The following WNT2 variants were observed in gnomAD, a reference collection of about 807,000 sequenced individuals.
WNT2 encodes the protein protein Wnt-2.
A neutral mutation model predicts 36.9 loss-of-function variants in WNT2; 12 were observed. The observed-to-expected ratio is 0.33, with a 90% confidence interval of 0.21 to 0.53. The LOEUF (loss-of-function observed/expected upper bound fraction) is 0.53. WNT2 is among the 20% of genes least tolerant of loss of function. The probability of loss-of-function intolerance (pLI) is 0.95; values close to 1 mark genes in which losing one functional copy is unlikely to be tolerated. For synonymous variants in WNT2, 163 were observed against 174.6 expected, an observed-to-expected ratio of 0.93 and a Z score of 0.52; for missense variants, 379 against 473.1, an observed-to-expected ratio of 0.80 and a Z score of 1.84.
At chr7:117,304,674 G>A (rs1156467364) in intron 3 of WNT2, among the ~76,000 whole-genome samples, 1 of 152,108 alleles carries the variant, frequency 6.6e-6, no homozygotes, top group East Asian at 1.9e-4. Flanking sequence ...GACCTCAGAT[G>A]ATCCACCCGC....
rs114876946 is a variant in WNT2, at chr7:117,275,852, A to G, written c.*2303T>C. On this transcript the variant is annotated 3_prime_UTR_variant, in exon 5 of 5. Coordinates refer to ENST00000265441, the MANE Select transcript of WNT2 (RefSeq NM_003391.3). ...TGCGATGGTTGCCATAATCTCCCTT[A>G]TGGATTAGGACAATTTATGTAGGTT... Among the ~76,000 whole-genome samples, 351 of 152,250 alleles carry G rather than the reference A, an allele frequency of 2.3e-3. 1 individual carries two copies. Among genetic ancestry groups the G allele is most frequent in the African/African-American group, 7.8e-3 (324 of 41,554 alleles).
intron 3 of WNT2, among the ~76,000 whole-genome samples, chr7:117,303,102 C>G (rs1794938734): frequency 6.6e-6 from 1 of 152,126 alleles, no homozygotes; most frequent in African/African-American, 2.4e-5. Flanking sequence ...CTAGGGTGGA[C>G]GTGAGGCCTG....
At position 117,292,132 on chromosome 7, in the gene WNT2, G is replaced by C. The variant is rs541086848; in HGVS notation, c.853+5480C>G. Among the ~76,000 whole-genome samples the C allele has an allele frequency of 3.9e-5, 6 of 152,164 alleles. No homozygotes were observed. The East Asian group carries it at 1.2e-3, about 29-fold the overall frequency. On this transcript the variant is annotated intron_variant, in intron 4 of 4. Coordinates refer to ENST00000265441, the MANE Select transcript of WNT2 (RefSeq NM_003391.3). ...CATTGACGCTTTTGAAAATCTGAGG[G>C]GCTTGTAATTGAAAAGGGCTTCAAG...
chr7:117,309,459 A>G (rs1472726284), intron 3 of WNT2, among the ~76,000 whole-genome samples: 1 of 152,174 alleles, frequency 6.6e-6, no homozygotes, highest in Non-Finnish European at 1.5e-5. Context: ...TCCATAGAAA[A>G]TACAGGATGC....
rs17139606 is a variant in WNT2, at chr7:117,288,112, T to C, written c.853+9500A>G. ...CAGCAGACCAGCTAAACCTTGGCTCTGTTAAAATGATCTTGCTTGGTATAT... is the reference window on the plus strand; with the variant it reads ...CAGCAGACCAGCTAAACCTTGGCTCCGTTAAAATGATCTTGCTTGGTATAT... On this transcript the variant is annotated intron_variant, in intron 4 of 4. Coordinates refer to ENST00000265441, the MANE Select transcript of WNT2 (RefSeq NM_003391.3). 7.1e-3 allele frequency among the ~76,000 whole-genome samples: 1,084 copies of C among 152,334 alleles called. 13 individuals carry two copies. Among genetic ancestry groups the C allele is most frequent in the African/African-American group, 0.025 (1,027 of 41,580 alleles).
At chr7:117,299,309 T>C (rs747208024) in intron 3 of WNT2, among the ~76,000 whole-genome samples, 5 of 152,150 alleles carry the variant, frequency 3.3e-5, no homozygotes, top group Non-Finnish European at 5.9e-5. Context: ...CCAGGAGCTG[T>C]CCCTCCTAAG....
In WNT2 at chr7:117,322,843, A is replaced by G; in HGVS notation, c.83+64T>C. ...GGGGGAACGCAGCCAGGAAGGGTCT[A>G]TGTGGCCAATGCGGTCCCCATTCCG... On this transcript the variant is annotated intron_variant, in intron 1 of 4. Coordinates refer to ENST00000265441, the MANE Select transcript of WNT2 (RefSeq NM_003391.3). This position sits in a 1 kb window ranked among gnomAD's most constrained non-coding sequence, Gnocchi z 5.4. The G allele has an allele frequency of 6.5e-7, 1 of 1,535,894 alleles. No individual in the cohort carries two copies. The highest frequency in any genetic ancestry group is 2.2e-5 in the East Asian group (1 of 44,494).
At chr7:117,300,987 G>A (rs1794894209) in intron 3 of WNT2, 1 of 152,192 alleles carries the variant, frequency 6.6e-6, no homozygotes, top group Admixed American at 6.5e-5. Context: ...TGCTCGATGA[G>A]CCCACTTTGG....
chr7:117,287,071 G>A (rs1280322134), intron 4 of WNT2, among the ~76,000 whole-genome samples: 3 of 152,180 alleles, frequency 2.0e-5, no homozygotes, highest in African/African-American at 4.8e-5. Context: ...ACTCTCGGCC[G>A]GGCACGGTGG....
At chr7:117,281,989 T>C (rs1214879877) in intron 4 of WNT2, among the ~76,000 whole-genome samples, 1 of 152,122 alleles carries the variant, frequency 6.6e-6, no homozygotes, top group Non-Finnish European at 1.5e-5. Flanking sequence ...CCAAGAGTGG[T>C]GATAAAAGCA....
chr7:117,310,733 A>G (rs186074798), intron 3 of WNT2, among the ~76,000 whole-genome samples: 101 of 152,194 alleles, frequency 6.6e-4, no homozygotes, highest in Middle Eastern at 3.4e-3. Flanking sequence ...TCCTGCTCCA[A>G]TATCTGTCTT....
At chr7:117,292,346 G>A (rs532031068) in intron 4 of WNT2, among the ~76,000 whole-genome samples, 5 of 152,134 alleles carry the variant, frequency 3.3e-5, no homozygotes, top group African/African-American at 1.2e-4. Flanking sequence ...AGTGAGAAAG[G>A]TATGGGTTTT....
intron 3 of WNT2, among the ~76,000 whole-genome samples, chr7:117,309,196 A>AT (rs942754304): frequency 1.6e-4 from 25 of 151,716 alleles, no homozygotes; most frequent in Non-Finnish European, 2.9e-4. Context: ...AAAAAAAAAA[A>AT]TTTTTTAAGT....
At position 117,320,617 on chromosome 7, in the gene WNT2, C is replaced by T; in HGVS notation, c.260G>A (p.Cys87Tyr). The T allele has an allele frequency of 6.2e-7, 1 of 1,614,008 alleles. No individual in the cohort carries two copies. Among genetic ancestry groups the T allele is most frequent in the Non-Finnish European group, 8.5e-7 (1 of 1,179,970 alleles). The change falls in exon 2 of 5, where the codon TGC becomes TAC. Residue 87 changes from cysteine (C) to tyrosine (Y), a missense_variant. By Grantham distance (194) the Cys-to-Tyr change is radical. Transcript: ENST00000265441. ...GCTGTGATCCCTGTCCAGGGTGTTGCAATTCCAGCGGTGCTGGCGGAACTG... is the reference window on the plus strand; with the variant it reads ...GCTGTGATCCCTGTCCAGGGTGTTGTAATTCCAGCGGTGCTGGCGGAACTG... ...QHQFRQHRWN[C>Y]NTLDRDHSLF... is the part of the protein sequence containing the mutation.
intron 4 of WNT2, among the ~76,000 whole-genome samples, chr7:117,283,061 T>C (rs146982785): frequency 1.3e-5 from 2 of 152,132 alleles, no homozygotes; most frequent in East Asian, 1.9e-4. Context: ...TGGTTAGGGG[T>C]CAGCTTAGAG....
chr7:117,320,977 C>G (rs556273867), intron 1 of WNT2, among the ~76,000 whole-genome samples, 184 bp from the exon 2 acceptor site: 2 of 152,142 alleles, frequency 1.3e-5, no homozygotes, highest in Non-Finnish European at 2.9e-5. Flanking sequence ...GGCAGGCAGG[C>G]GTAGTGAGTG....
chr7:117,309,330 G>A (rs1355968586), intron 3 of WNT2, among the ~76,000 whole-genome samples: 2 of 152,046 alleles, frequency 1.3e-5, no homozygotes, highest in African/African-American at 2.4e-5. Flanking sequence ...CTGTCCCAGC[G>A]CCCAGGTAGG....
chr7:117,291,740 A>G (rs1794693036), intron 4 of WNT2, among the ~76,000 whole-genome samples: 1 of 152,132 alleles, frequency 6.6e-6, no homozygotes, highest in African/African-American at 2.4e-5. Flanking sequence ...TCTTGCCATA[A>G]TAATATCTTC....
At chr7:117,291,162 TG>T (rs552932730) in intron 4 of WNT2, among the ~76,000 whole-genome samples, 14 of 152,154 alleles carry the variant, frequency 9.2e-5, no homozygotes, top group Non-Finnish European at 1.9e-4. Flanking sequence ...ATGATTTATG[TG>T]GGGGAAAAAT....
Sources: allele counts gnomAD v4.1 joint callset (sites outside exome capture counted in the v4.1 genomes callset), GRCh38; gene constraint gnomAD v4.1.1; non-coding constraint Gnocchi (gnomAD v3.1); transcripts MANE v1.5; gene names NCBI Gene and HGNC (gene_info 2026-07-23, HGNC 2026-07-21).